Variants in LRRK1 observed in about 807,000 individuals in gnomAD.
LRRK1 encodes the protein leucine-rich repeat serine/threonine-protein kinase 1.
A neutral mutation model predicts 209.1 loss-of-function variants in LRRK1; 113 were observed. The observed-to-expected ratio is 0.54, with a 90% CI of 0.46 to 0.63. The LOEUF (loss-of-function observed/expected upper bound fraction) is 0.63. Among genes scored for constraint, LRRK1 ranks in the 30% least tolerant of loss-of-function variants. The pLI is 0.00. For missense variants in LRRK1, 2,284 were observed against 2,632.2 expected (o/e 0.87, Z 2.89); for synonymous variants, 1,144 against 1,099.7 (o/e 1.04, Z -0.80).
chr15:100,924,589 C>A lies in LRRK1; in HGVS notation c.-44C>A. 2 of 1,580,074 alleles carry A rather than the reference C, an allele frequency of 1.3e-6. No individual in the cohort carries two copies. Among genetic ancestry groups the A allele is most frequent in the Non-Finnish European group, 1.7e-6 (2 of 1,149,930 alleles). On this transcript the variant is annotated 5_prime_UTR_variant, in exon 2 of 34. Coordinates refer to ENST00000388948, the MANE Select transcript of LRRK1 (RefSeq NM_024652.6). ...CCACAGCCAGCGGCAGTGGCAGTGA[C>A]AACAGCGGGACCTGCCTTTGAAGAT...
At chr15:101,019,087 A>T (rs933569554) in intron 12 of LRRK1, among the ~76,000 whole-genome samples, 27 of 152,336 alleles carry the variant, frequency 1.8e-4, no homozygotes, top group African/African-American at 6.0e-4. Context: ...ACAGTTCTTA[A>T]ATACCTTGAA....
At chr15:100,940,978 C>T (rs2141608805) in intron 2 of LRRK1, among the ~76,000 whole-genome samples, 1 of 152,366 alleles carries the variant, frequency 6.6e-6, no homozygotes, top group East Asian at 1.9e-4. Flanking sequence ...CAGCTGCTCA[C>T]TTCCTCCTGG....
chr15:101,000,576 T>A (rs535903615), intron 6 of LRRK1, among the ~76,000 whole-genome samples: 73 of 152,318 alleles, frequency 4.8e-4, no homozygotes, highest in Admixed American at 7.8e-4. Flanking sequence ...CTGGAAGCCC[T>A]GAGGGAGGGT....
At position 100,972,355 on chromosome 15, in the gene LRRK1, A is replaced by T. The variant is rs1402026837; in HGVS notation, c.98-1449A>T. Among the ~76,000 whole-genome samples, 88 of 134,064 alleles carry T rather than the reference A, an allele frequency of 6.6e-4. 2 individuals carry two copies. The highest frequency in any genetic ancestry group is 2.5e-3 in the African/African-American group (85 of 34,070). 88.0% of individuals were successfully genotyped at this position (134,064 alleles called of 152,430 possible). ...ATATATGAGAGAGAGAGAGAGAGAG[A>T]GAGAGAGAGTGTGTGTGTGTGTGTG... On this transcript the variant is annotated intron_variant, in intron 2 of 33. Coordinates refer to ENST00000388948, the MANE Select transcript of LRRK1 (RefSeq NM_024652.6).
At chr15:100,993,637 T>C (rs995736077) in intron 6 of LRRK1, among the ~76,000 whole-genome samples, 1 of 152,230 alleles carries the variant, frequency 6.6e-6, no homozygotes, top group African/African-American at 2.4e-5. Flanking sequence ...TTCCCAGATA[T>C]TTATTTTCAG....
At chr15:101,011,310 TAAAAA>T (rs542617086) in intron 9 of LRRK1, among the ~76,000 whole-genome samples, 1 of 138,322 alleles carries the variant, frequency 7.2e-6, no homozygotes, top group Non-Finnish European at 1.6e-5. Flanking sequence ...CTACTAAAAT[TAAAAA>T]AAAAAAAAAA....
At position 101,013,477 on chromosome 15, in the gene LRRK1, G is replaced by A. The variant is rs1030527428; in HGVS notation, c.1420-839G>A. On this transcript the variant is annotated intron_variant, in intron 10 of 33. Coordinates refer to ENST00000388948, the MANE Select transcript of LRRK1 (RefSeq NM_024652.6). ...GGCATGATGGCTCAGACCTGGGCACGGCGACTCAGAACCGTACTCCCAGCA... is the reference window on the plus strand; with the variant it reads ...GGCATGATGGCTCAGACCTGGGCACAGCGACTCAGAACCGTACTCCCAGCA... Among the ~76,000 whole-genome samples, 18 of 152,074 alleles carry A rather than the reference G, an allele frequency of 1.2e-4. No individual in the cohort carries two copies. In the East Asian group the frequency reaches 1.4e-3, roughly 11 times the overall value.
chr15:100,928,919 C>T (rs1232559977), intron 2 of LRRK1, among the ~76,000 whole-genome samples: 2 of 152,178 alleles, frequency 1.3e-5, no homozygotes, highest in Non-Finnish European at 2.9e-5. Flanking sequence ...GTGTGACAAT[C>T]TCAACCTCAT....
intron 2 of LRRK1, among the ~76,000 whole-genome samples, chr15:100,969,779 G>A (rs1452250524): frequency 1.3e-5 from 2 of 152,082 alleles, no homozygotes; most frequent in Non-Finnish European, 2.9e-5. Flanking sequence ...AGCTTGCTGA[G>A]GATAATGGCT....
At chr15:101,021,243 T>C in intron 13 of LRRK1, 61 bp downstream of exon 13, 1 of 1,573,666 alleles carries the variant, frequency 6.4e-7, no homozygotes, top group Non-Finnish European at 8.7e-7. Flanking sequence ...AGAACGCCCA[T>C]CCCTAAACCA....
chr15:101,068,255 TGA>T (rs774435741), intron 33 of LRRK1, among the ~76,000 whole-genome samples: 6 of 152,166 alleles, frequency 3.9e-5, no homozygotes, highest in Non-Finnish European at 8.8e-5. Flanking sequence ...AGAAACAGAA[TGA>T]GAGAAGAATC....
intron 29 of LRRK1, 139 bp downstream of exon 29, chr15:101,058,280 CAA>C (rs2035931254): frequency 1.0e-5 from 8 of 793,018 alleles, no homozygotes; most frequent in Non-Finnish European, 1.4e-5. Flanking sequence ...AGACTGCACT[CAA>C]GAAAGAGCAG....
intron 3 of LRRK1, among the ~76,000 whole-genome samples, chr15:100,980,874 G>A (rs938338029): frequency 1.3e-5 from 2 of 152,214 alleles, no homozygotes; most frequent in African/African-American, 2.4e-5. Flanking sequence ...ACTGAGGCCA[G>A]TTACATGGGT....
chr15:101,032,266 T>C (rs990432102), intron 20 of LRRK1, among the ~76,000 whole-genome samples: 13 of 152,242 alleles, frequency 8.5e-5, no homozygotes, highest in African/African-American at 3.1e-4. Context: ...TGTACTTCTT[T>C]ATATCTTCTG....
At chr15:101,008,577 C>T (rs1386065162) in intron 6 of LRRK1, among the ~76,000 whole-genome samples, 1 of 152,318 alleles carries the variant, frequency 6.6e-6, no homozygotes, top group East Asian at 1.9e-4. Context: ...CACCGGCGCC[C>T]TCTGGAGGTT....
At chr15:101,067,414 A>G in intron 33 of LRRK1, 1 of 401,448 alleles carries the variant, frequency 2.5e-6, no homozygotes, top group South Asian at 1.8e-5. Context: ...AAAAGTCCTC[A>G]GTTCAAATGT....
intron 9 of LRRK1, among the ~76,000 whole-genome samples, chr15:101,011,708 C>T (rs147582433): frequency 1.3e-5 from 2 of 152,082 alleles, no homozygotes; most frequent in African/African-American, 2.4e-5. Flanking sequence ...CAGCTTCTCT[C>T]TCCAGTGTGG....
Position 101,010,695 on chromosome 15 carries a change from G to A in LRRK1, c.1139G>A (p.Arg380Gln), listed in dbSNP as rs778089814. The A allele has an allele frequency of 1.2e-5, 19 of 1,610,598 alleles. No individual in the cohort carries two copies. Among genetic ancestry groups the A allele is most frequent in the African/African-American group, 4.0e-5 (3 of 74,260 alleles). The change falls in exon 9 of 34, where the codon CGG (arginine) becomes CAG (glutamine). Residue 380 changes from arginine (R) to glutamine (Q), a missense_variant. By Grantham distance (43) the Arg-to-Gln change is conservative. This residue lies in a region of LRRK1 where 494 missense variants were observed against 522.1 expected (regional missense o/e 0.95). Transcript: ENST00000388948. ...TTAGCCACTAACTGGATAGGTTTACGGAAGCTACAGGAACTTGATATATCT... is the reference window on the plus strand; with the variant it reads ...TTAGCCACTAACTGGATAGGTTTACAGAAGCTACAGGAACTTGATATATCT... Reference protein sequence around the residue: ...EENATNWIGLRKLQELDISDN... With the variant: ...EENATNWIGLQKLQELDISDN...
intron 29 of LRRK1, among the ~76,000 whole-genome samples, chr15:101,058,364 G>A (rs985449221): frequency 6.6e-6 from 1 of 152,072 alleles, no homozygotes; most frequent in Non-Finnish European, 1.5e-5. Context: ...CCAAAAATGG[G>A]TAGTATCTGC....
Sources: allele counts gnomAD v4.1 joint callset (sites outside exome capture counted in the v4.1 genomes callset), GRCh38; gene constraint gnomAD v4.1.1; regional missense constraint gnomAD v4.1.1; transcripts MANE v1.5; gene names NCBI Gene and HGNC (gene_info 2026-07-23, HGNC 2026-07-21).